Variants in FHIT observed in about 807,000 individuals in gnomAD.
The protein encoded by FHIT is bis(5'-adenosyl)-triphosphatase.
Under a neutral mutation model 17.9 loss-of-function variants are expected in FHIT, and 19 were observed. The observed-to-expected ratio is 1.06, with a 90% CI of 0.74 to 1.56. The LOEUF (loss-of-function observed/expected upper bound fraction) is 1.56. FHIT is among the 40% of genes most tolerant of loss of function. The pLI is 0.00. For missense variants in FHIT, 248 were observed against 189.2 expected, an observed-to-expected ratio of 1.31 and a Z score of -1.82; for synonymous variants, 81 against 69.7, an observed-to-expected ratio of 1.16 and a Z score of -0.81.
Position 60,448,646 on chromosome 3 carries a change from G to A in FHIT, c.103+88214C>T, listed in dbSNP as rs565935406. Reference sequence around the variant, plus strand: ...GATGCAACATTGAAAGCTCTTAACCGCATTGCTTTACTGGCCTCCTGGACA... The same window carrying A: ...GATGCAACATTGAAAGCTCTTAACCACATTGCTTTACTGGCCTCCTGGACA... On this transcript the variant is annotated intron_variant, in intron 5 of 9. Coordinates refer to ENST00000492590, the MANE Select transcript of FHIT (RefSeq NM_002012.4). 5.3e-5 allele frequency among the ~76,000 whole-genome samples: 8 copies of A among 152,240 alleles called. 1 individual carries two copies. Among genetic ancestry groups the A allele is most frequent in the Middle Eastern group, 6.8e-3 (2 of 294 alleles).
chr3:61,099,209 T>C (rs529521309), intron 2 of FHIT, among the ~76,000 whole-genome samples: 1 of 152,368 alleles, frequency 6.6e-6, no homozygotes, highest in Admixed American at 6.5e-5. Context: ...TATGTTTATG[T>C]GATGAATAAC....
chr3:61,113,829 G>T (rs2106897948), intron 2 of FHIT, among the ~76,000 whole-genome samples: 1 of 152,292 alleles, frequency 6.6e-6, no homozygotes, highest in Non-Finnish European at 1.5e-5. Context: ...TCCCTGGGTT[G>T]CTATCGCTGT....
intron 5 of FHIT, among the ~76,000 whole-genome samples, chr3:60,281,124 T>C (rs1187390158): frequency 5.1e-5 from 4 of 78,974 alleles, no homozygotes; most frequent in African/African-American, 5.0e-5. Context: ...ATAAAACACA[T>C]AGATGTAAAA....
At chr3:60,695,428 T>C (rs1295320283) in intron 4 of FHIT, among the ~76,000 whole-genome samples, 1 of 152,154 alleles carries the variant, frequency 6.6e-6, no homozygotes, top group Non-Finnish European at 1.5e-5. Context: ...TATATAAATG[T>C]TTTCATTTGT....
chr3:59,851,951 C>A (rs780715), intron 8 of FHIT, among the ~76,000 whole-genome samples: 149,628 of 152,272 alleles, frequency 0.98, 73,573 homozygotes, highest in East Asian at 1. Context: ...TGTAATTTAC[C>A]CTTTCATCTT....
chr3:60,799,360 G>T (rs1255857879), intron 4 of FHIT, among the ~76,000 whole-genome samples: 1 of 152,180 alleles, frequency 6.6e-6, no homozygotes, highest in African/African-American at 2.4e-5. Flanking sequence ...TTTTAGTAGA[G>T]ACAGGGTTTC....
rs17063870 is a variant in FHIT at position 60,726,027 on chromosome 3, T to C, written c.-18+95892A>G. Among the ~76,000 whole-genome samples the C allele has an allele frequency of 9.3e-3, 1,414 of 152,268 alleles. 20 individuals carry two copies. The highest frequency in any genetic ancestry group is 0.032 in the African/African-American group (1,338 of 41,558). On this transcript the variant is annotated intron_variant, in intron 4 of 9. Transcript: ENST00000492590. ...GCACTGGAAAGTGGAGGTCAAGTAA[T>C]GTCGGATAGCAAATTCTAACAAACA... is the stretch of plus-strand genomic sequence containing the variant.
chr3:60,332,585 A>G (rs972406138), intron 5 of FHIT, among the ~76,000 whole-genome samples: 2 of 152,180 alleles, frequency 1.3e-5, no homozygotes, highest in Non-Finnish European at 2.9e-5. Flanking sequence ...TGAATCTCAT[A>G]TACACAGGTG....
intron 5 of FHIT, among the ~76,000 whole-genome samples, chr3:60,133,431 C>T (rs1271983708): frequency 6.6e-6 from 1 of 152,170 alleles, no homozygotes; most frequent in Non-Finnish European, 1.5e-5. Context: ...TGAGTTGGGG[C>T]AAGCACAGAT....
rs538171941 is a variant in FHIT, at chr3:60,517,487, G to A, written c.103+19373C>T. ...CACCCACCTCCCTAAAACTACAGGCGGCTGACCCACTGATATTACTATGAA... is the reference window on the plus strand; with the variant it reads ...CACCCACCTCCCTAAAACTACAGGCAGCTGACCCACTGATATTACTATGAA... On this transcript the variant is annotated intron_variant, in intron 5 of 9. Transcript: ENST00000492590. Among the ~76,000 whole-genome samples the A allele has an allele frequency of 1.4e-4, 22 of 152,172 alleles. No homozygotes were observed. The South Asian group carries it at 1.7e-3, about 11-fold the overall frequency.
chr3:60,526,854 C>A (rs1054375099), intron 5 of FHIT, among the ~76,000 whole-genome samples: 4 of 152,142 alleles, frequency 2.6e-5, no homozygotes, highest in Non-Finnish European at 5.9e-5. Context: ...GGAAAGCATC[C>A]CCCAAGAGAT....
At chr3:60,604,647 G>A (rs932880464) in intron 4 of FHIT, among the ~76,000 whole-genome samples, 1 of 152,022 alleles carries the variant, frequency 6.6e-6, no homozygotes, top group African/African-American at 2.4e-5. Context: ...CCACTCATCA[G>A]CTCCCCTTCT....
chr3:61,229,418 G>C (rs1325425651), intron 1 of FHIT, among the ~76,000 whole-genome samples: 1 of 152,142 alleles, frequency 6.6e-6, no homozygotes, highest in Non-Finnish European at 1.5e-5. Context: ...CCTTGATTTT[G>C]GACTTCTGGC....
At chr3:60,273,175 G>A (rs1706952981) in intron 5 of FHIT, among the ~76,000 whole-genome samples, 1 of 152,196 alleles carries the variant, frequency 6.6e-6, no homozygotes, top group Admixed American at 6.6e-5. Context: ...GTTGGAAAAT[G>A]AAGATTTAGA....
chr3:59,888,046 T>A (rs1703700247), intron 8 of FHIT, among the ~76,000 whole-genome samples: 1 of 152,188 alleles, frequency 6.6e-6, no homozygotes, highest in Non-Finnish European at 1.5e-5. Flanking sequence ...GCTTGGAAAA[T>A]AAGACGGGTG....
rs2032260707 is a variant in FHIT, at chr3:60,458,588, T to TAAG, written c.103+78271_103+78272insCTT. Among the ~76,000 whole-genome samples the TAAG allele has an allele frequency of 3.0e-5, 3 of 100,412 alleles. No homozygotes were observed. The South Asian group carries it at 9.2e-4, about 31-fold the overall frequency. 65.9% of individuals were successfully genotyped at this position (100,412 alleles called of 152,430 possible). A position where few individuals can be genotyped will look rare whatever the true frequency, so the allele number is the denominator to read the frequency against. On this transcript the variant is annotated intron_variant, in intron 5 of 9. Coordinates refer to ENST00000492590, the MANE Select transcript of FHIT (RefSeq NM_002012.4). ...ATGTACCCTAAAACTTAAAGTGTAA[T>TAAG]AATAATAATAATAATAAAAGAAATC...
intron 5 of FHIT, among the ~76,000 whole-genome samples, chr3:60,427,419 C>T (rs778296881): frequency 1.2e-4 from 18 of 152,092 alleles, no homozygotes; most frequent in Non-Finnish European, 2.2e-4. Context: ...CTTCCAGGAC[C>T]TTTAGCTGAG....
chr3:60,899,245 A>C (rs1453481964), intron 3 of FHIT, among the ~76,000 whole-genome samples: 1 of 152,236 alleles, frequency 6.6e-6, no homozygotes, highest in Non-Finnish European at 1.5e-5. Flanking sequence ...GCATAATTTC[A>C]AAGCCTGGAG....
chr3:60,910,855 T>C (rs1256910843), intron 3 of FHIT, among the ~76,000 whole-genome samples: 1 of 152,160 alleles, frequency 6.6e-6, no homozygotes. Context: ...AAGGCACACA[T>C]AGCCACCCAT....
Sources: allele counts gnomAD v4.1 joint callset (sites outside exome capture counted in the v4.1 genomes callset), GRCh38; gene constraint gnomAD v4.1.1; transcripts MANE v1.5; gene names NCBI Gene and HGNC (gene_info 2026-07-23, HGNC 2026-07-21).